The following GAS7 variants were observed in gnomAD, a reference collection of about 807,000 sequenced individuals.
The protein encoded by GAS7 is growth arrest specific 7, also known as growth arrest-specific protein 7.
Under a neutral mutation model 71.1 loss-of-function variants are expected in GAS7, and 28 were observed. The observed-to-expected ratio is 0.39, with a 90% confidence interval of 0.29 to 0.54. The LOEUF is 0.54. GAS7 is among the 20% of genes least tolerant of loss of function. The pLI is 0.62. For synonymous variants in GAS7, 258 were observed against 245.8 expected, an observed-to-expected ratio of 1.05 and a Z score of -0.46; for missense variants, 436 against 627.8, an observed-to-expected ratio of 0.69 and a Z score of 3.27.
intron 3 of GAS7, among the ~76,000 whole-genome samples, chr17:9,978,575 G>A (rs1309276772): frequency 6.6e-6 from 1 of 151,972 alleles, no homozygotes; most frequent in Non-Finnish European, 1.5e-5. Flanking sequence ...CTACTTGAGA[G>A]GCTGAGGCAG....
chr17:10,085,072 C>T (rs979656426), intron 1 of GAS7, among the ~76,000 whole-genome samples: 2 of 152,364 alleles, frequency 1.3e-5, no homozygotes, highest in Non-Finnish European at 2.9e-5. Flanking sequence ...TTCCTACTTC[C>T]TGGCCTCACA....
chr17:10,066,680 G>A (rs905212649), intron 1 of GAS7, among the ~76,000 whole-genome samples: 11 of 152,150 alleles, frequency 7.2e-5, no homozygotes, highest in African/African-American at 2.7e-4. Context: ...TTATTTCAAG[G>A]TCTATTAATT....
chr17:9,996,462 C>T (rs149431285), intron 2 of GAS7, among the ~76,000 whole-genome samples: 142 of 151,088 alleles, frequency 9.4e-4, no homozygotes, highest in African/African-American at 3.4e-3. Context: ...AGGAGATATG[C>T]CTAATGTTAA....
chr17:10,097,399 T>A (rs2073652250), intron 1 of GAS7, among the ~76,000 whole-genome samples: 1 of 152,150 alleles, frequency 6.6e-6, no homozygotes, highest in African/African-American at 2.4e-5. Flanking sequence ...CTCTCGGGGC[T>A]CTGCCAGGTA....
Position 9,959,716 on chromosome 17 carries a change from T to C in GAS7, c.472-461A>G, listed in dbSNP as rs1252587827. Among the ~76,000 whole-genome samples, 4 of 152,010 alleles carry C rather than the reference T, an allele frequency of 2.6e-5. No individual in the cohort carries two copies. The highest frequency in any genetic ancestry group is 5.9e-5 in the Non-Finnish European group (4 of 67,986). ...CCGGGTCCAAAACGTCAAACCTAAA[T>C]ACACACAATGTGCACTGGGGCGCTG... On this transcript the variant is annotated intron_variant, in intron 4 of 13. Transcript: ENST00000432992. The surrounding 1 kb of genome is among the most constrained non-coding windows in gnomAD (Gnocchi z 5.0).
intron 1 of GAS7, among the ~76,000 whole-genome samples, chr17:10,151,328 T>C (rs1339080622): frequency 6.6e-6 from 1 of 152,072 alleles, no homozygotes; most frequent in Non-Finnish European, 1.5e-5. Flanking sequence ...TGCTTGTTTT[T>C]GTTTTTGTTT....
chr17:9,935,460 C>G (rs2068367368), intron 8 of GAS7, among the ~76,000 whole-genome samples: 1 of 152,230 alleles, frequency 6.6e-6, no homozygotes. Context: ...TTCAACACAG[C>G]CAGTAAATCC....
intron 5 of GAS7, among the ~76,000 whole-genome samples, chr17:9,957,502 C>T (rs992250043): frequency 9.2e-5 from 14 of 152,236 alleles, no homozygotes; most frequent in African/African-American, 2.4e-4. Context: ...CAACCCTCCA[C>T]GACATAACAC....
intron 5 of GAS7, among the ~76,000 whole-genome samples, chr17:9,950,146 G>A (rs2068949198): frequency 6.6e-6 from 1 of 152,028 alleles, no homozygotes; most frequent in Admixed American, 6.6e-5. Flanking sequence ...TTACAGGCAT[G>A]AGCCACTGTG....
Position 9,946,920 on chromosome 17 carries a change from C to T in GAS7, c.589G>A (p.Glu197Lys), listed in dbSNP as rs561187985. Reference protein sequence around the residue: ...MPEQQLLKPTEWSYCDYFWAD... With the variant: ...MPEQQLLKPTKWSYCDYFWAD... The stretch of plus-strand genomic sequence containing the variant: ...CAGAAGTAGTCGCAGTAGCTCCACT[C>T]GGTTGGTTTCAGCAGCTGCTGTTCC... Residue 197 changes from glutamate to lysine, a missense_variant, in exon 6 of 14, where the codon GAG becomes AAG. By Grantham distance (56) the Glu-to-Lys change is moderately conservative. Transcript: ENST00000432992. 6.2e-7 allele frequency: 1 copy of T among 1,612,778 alleles called. No individual in the cohort carries two copies. The highest frequency in any genetic ancestry group is 8.5e-7 in the Non-Finnish European group (1 of 1,178,812).
chr17:9,941,057 C>T (rs1300653138), intron 7 of GAS7, among the ~76,000 whole-genome samples: 1 of 152,220 alleles, frequency 6.6e-6, no homozygotes, highest in Non-Finnish European at 1.5e-5. Context: ...TTCCCAGCTG[C>T]TCAAGCAGCT....
At chr17:10,062,604 A>G (rs6503283) in intron 1 of GAS7, among the ~76,000 whole-genome samples, 27,099 of 152,238 alleles carry the variant, frequency 0.18, 2,559 homozygotes, top group African/African-American at 0.24. Flanking sequence ...AACATAAAAC[A>G]CATCTTGCCC....
intron 1 of GAS7, among the ~76,000 whole-genome samples, chr17:10,136,220 C>T (rs993410660): frequency 6.6e-6 from 1 of 152,168 alleles, no homozygotes; most frequent in Non-Finnish European, 1.5e-5. Context: ...CCCAGATCCA[C>T]GGGGGAGGCT....
intron 1 of GAS7, among the ~76,000 whole-genome samples, chr17:10,048,715 TAGGA>T (rs1567568441): frequency 6.6e-6 from 1 of 152,102 alleles, no homozygotes; most frequent in African/African-American, 2.4e-5. Context: ...GTGAAAGAAA[TAGGA>T]AGGTTCTGTT....
intron 1 of GAS7, among the ~76,000 whole-genome samples, chr17:10,156,818 G>T (rs551726609): frequency 1.3e-5 from 2 of 151,846 alleles, no homozygotes; most frequent in Non-Finnish European, 2.9e-5. Flanking sequence ...CTCTCTGGGC[G>T]TGCTTCCCCA....
Position 9,911,011 on chromosome 17 carries a change from G to A in GAS7, c.*6217C>T, listed in dbSNP as rs1459937823. 2.1e-5 allele frequency: 5 copies of A among 232,854 alleles called. No individual in the cohort carries two copies. Among genetic ancestry groups the A allele is most frequent in the African/African-American group, 1.1e-4 (5 of 45,280 alleles). 14.4% of individuals were successfully genotyped at this position (232,854 alleles called of 1,614,324 possible). A position where few individuals can be genotyped will look rare whatever the true frequency, so the allele number is the denominator to read the frequency against. On this transcript the variant is annotated 3_prime_UTR_variant, in exon 14 of 14. Transcript: ENST00000432992. This position sits in a 1 kb window ranked among gnomAD's most constrained non-coding sequence, Gnocchi z 4.0. ...TTTGTTAGAAAATTCCACTTTCATA[G>A]GGTTTGCCGATGTGCTCGTGTCTGT...
At chr17:10,014,570 T>C (rs2071914446) in intron 2 of GAS7, among the ~76,000 whole-genome samples, 1 of 152,188 alleles carries the variant, frequency 6.6e-6, no homozygotes, top group Non-Finnish European at 1.5e-5. Context: ...CTGCCTGGTC[T>C]TTACTCATGC....
intron 1 of GAS7, among the ~76,000 whole-genome samples, chr17:10,035,706 AAAG>A (rs2152223825): frequency 6.6e-6 from 1 of 152,306 alleles, no homozygotes; most frequent in Admixed American, 6.5e-5. Context: ...CTTTGCAAAG[AAAG>A]AAGATGGATG....
At chr17:9,938,470 CAAAAAA>C (rs34813185) in intron 8 of GAS7, among the ~76,000 whole-genome samples, 2 of 65,174 alleles carry the variant, frequency 3.1e-5, no homozygotes, top group African/African-American at 6.1e-5. Flanking sequence ...GACTCTGTCT[CAAAAAA>C]AAAAAAAAAA....
Sources: allele counts gnomAD v4.1 joint callset (sites outside exome capture counted in the v4.1 genomes callset), GRCh38; gene constraint gnomAD v4.1.1; non-coding constraint Gnocchi (gnomAD v3.1); transcripts MANE v1.5; gene names NCBI Gene and HGNC (gene_info 2026-07-23, HGNC 2026-07-21).